ATXN1: variants seen among roughly 807,000 people sequenced by gnomAD.
ATXN1 encodes the protein ataxin 1, also known as ataxin-1.
ATXN1 carries 8 observed loss-of-function variants against 56.4 expected under a neutral mutation model. The observed-to-expected ratio is 0.14, with a 90% confidence interval of 0.08 to 0.26. The LOEUF (loss-of-function observed/expected upper bound fraction) is 0.26, where lower values mean the gene tolerates loss of function less well. Ranked by LOEUF, ATXN1 falls within the 10% of genes least tolerant of loss-of-function variation. The probability of loss-of-function intolerance (pLI) is 1.00; values close to 1 mark genes in which losing one functional copy is unlikely to be tolerated. For missense variants in ATXN1, 987 were observed against 1,106.5 expected (o/e 0.89, Z 1.53); for synonymous variants, 514 against 494.6 (o/e 1.04, Z -0.52).
rs564998177 is a variant in ATXN1 at position 16,300,257 on chromosome 6, G to A, written c.*6072C>T. 6.5e-6 allele frequency: 1 copy of A among 152,694 alleles called. No homozygotes were observed. The highest frequency in any genetic ancestry group is 2.1e-4 in the South Asian group (1 of 4,820). 9.5% of individuals were successfully genotyped at this position (152,694 alleles called of 1,614,324 possible). A position where few individuals can be genotyped will look rare whatever the true frequency, so the allele number is the denominator to read the frequency against. On this transcript the variant is annotated 3_prime_UTR_variant, in exon 8 of 8. Coordinates refer to ENST00000436367, the MANE Select transcript of ATXN1 (RefSeq NM_001128164.2). Reference sequence around the variant, plus strand: ...GTTATGGAAATTCTTAGAGATTGTTGTTATTGTATAGATACTACCTATTGG... The same window carrying A: ...GTTATGGAAATTCTTAGAGATTGTTATTATTGTATAGATACTACCTATTGG...
intron 6 of ATXN1, among the ~76,000 whole-genome samples, chr6:16,373,170 C>T (rs1355272360): frequency 6.6e-6 from 1 of 152,168 alleles, no homozygotes; most frequent in Non-Finnish European, 1.5e-5. Context: ...GAGACTCATT[C>T]TATTCCTGAA....
intron 2 of ATXN1, among the ~76,000 whole-genome samples, chr6:16,747,460 T>C (rs1333962338): frequency 6.6e-6 from 1 of 152,146 alleles, no homozygotes; most frequent in Non-Finnish European, 1.5e-5. Flanking sequence ...GCAGACGACA[T>C]ACAACTGTTA....
chr6:16,378,915 A>G (rs1167147728), intron 6 of ATXN1, among the ~76,000 whole-genome samples: 1 of 152,162 alleles, frequency 6.6e-6, no homozygotes, highest in Non-Finnish European at 1.5e-5. Flanking sequence ...ACTACTGGGT[A>G]TCTACCCAGA....
chr6:16,742,653 T>C (rs1172138645), intron 2 of ATXN1, among the ~76,000 whole-genome samples: 1 of 152,160 alleles, frequency 6.6e-6, no homozygotes, highest in Non-Finnish European at 1.5e-5. Context: ...GAAGGCGTCC[T>C]CACCTACCAC....
intron 6 of ATXN1, among the ~76,000 whole-genome samples, chr6:16,448,079 A>G (rs1759670355): frequency 6.6e-6 from 1 of 152,198 alleles, no homozygotes; most frequent in African/African-American, 2.4e-5. Flanking sequence ...CATTTATGGT[A>G]AAAACCACAG....
intron 4 of ATXN1, among the ~76,000 whole-genome samples, chr6:16,537,926 T>A (rs975523925): frequency 2.6e-5 from 4 of 151,828 alleles, no homozygotes; most frequent in Non-Finnish European, 5.9e-5. Context: ...ATCATGGTGA[T>A]ACCCCATCTC....
intron 4 of ATXN1, among the ~76,000 whole-genome samples, chr6:16,534,043 C>T (rs1228892092): frequency 6.6e-6 from 1 of 152,108 alleles, no homozygotes; most frequent in Non-Finnish European, 1.5e-5. Flanking sequence ...GAAGATACCT[C>T]CAAGCCAGCC....
chr6:16,412,763 G>T (rs1445133072), intron 6 of ATXN1, among the ~76,000 whole-genome samples: 1 of 152,188 alleles, frequency 6.6e-6, no homozygotes, highest in African/African-American at 2.4e-5. Flanking sequence ...GCTTAATCTT[G>T]ACTTTCTTTG....
chr6:16,467,487 T>C (rs992083109), intron 6 of ATXN1, among the ~76,000 whole-genome samples: 15 of 152,282 alleles, frequency 9.9e-5, no homozygotes, highest in Non-Finnish European at 2.1e-4. Context: ...GGGAGGAGTG[T>C]GTGTTTCTTC....
intron 6 of ATXN1, among the ~76,000 whole-genome samples, chr6:16,373,448 T>C (rs1762084903): frequency 6.6e-6 from 1 of 152,174 alleles, no homozygotes; most frequent in African/African-American, 2.4e-5. Flanking sequence ...ACACGTGTCT[T>C]GGTGAAGGTA....
intron 4 of ATXN1, among the ~76,000 whole-genome samples, chr6:16,579,648 G>A (rs1171459950): frequency 2.6e-5 from 4 of 152,014 alleles, no homozygotes; most frequent in Admixed American, 1.3e-4. Context: ...TTCTTGTTTT[G>A]TTTGGCTATG....
chr6:16,561,073 AT>A (rs926312960), intron 4 of ATXN1, among the ~76,000 whole-genome samples: 23 of 152,114 alleles, frequency 1.5e-4, no homozygotes, highest in African/African-American at 5.3e-4. Context: ...AATAAAAAGA[AT>A]TTTATGAAAT....
intron 3 of ATXN1, among the ~76,000 whole-genome samples, chr6:16,613,267 G>T (rs1209895417): frequency 1.1e-5 from 1 of 87,806 alleles, no homozygotes; most frequent in Non-Finnish European, 2.0e-5. Flanking sequence ...GCGAGACTCC[G>T]TCTCAAAAAA....
chr6:16,325,856 C>T (rs1334713867), intron 7 of ATXN1, among the ~76,000 whole-genome samples: 3 of 152,178 alleles, frequency 2.0e-5, no homozygotes, highest in Non-Finnish European at 4.4e-5. Flanking sequence ...CAGCCTCGAA[C>T]TCCTGGGCTC....
In ATXN1 at chr6:16,406,414, C is replaced by T. The variant is rs183884427; in HGVS notation, c.-160-77944G>A. 1.8e-3 allele frequency among the ~76,000 whole-genome samples: 267 copies of T among 152,268 alleles called. 1 individual carries two copies. Among genetic ancestry groups the T allele is most frequent in the African/African-American group, 5.7e-3 (235 of 41,560 alleles). On this transcript the variant is annotated intron_variant, in intron 6 of 7. Coordinates refer to ENST00000436367, the MANE Select transcript of ATXN1 (RefSeq NM_001128164.2). ...TGAAGATCAGTTAGTTCAAACCTAA[C>T]GGATACCGGGCATTCATAACTTTTG...
At chr6:16,552,952 C>T (rs1426818759) in intron 4 of ATXN1, among the ~76,000 whole-genome samples, 5 of 152,240 alleles carry the variant, frequency 3.3e-5, no homozygotes, top group African/African-American at 1.2e-4. Context: ...ATCATTAAAA[C>T]GCCAGAGAAC....
intron 5 of ATXN1, among the ~76,000 whole-genome samples, chr6:16,518,721 T>A (rs1165216904): frequency 6.6e-6 from 1 of 152,200 alleles, no homozygotes; most frequent in Admixed American, 6.5e-5. Context: ...CTATCTGTCA[T>A]CTTAATGGAA....
chr6:16,702,990 A>G (rs112053959), intron 2 of ATXN1, among the ~76,000 whole-genome samples: 2,613 of 151,758 alleles, frequency 0.017, 72 homozygotes, highest in African/African-American at 0.06. Context: ...GGTATATACC[A>G]AAAGGAGTAT....
rs1760535191 is a variant in ATXN1, at chr6:16,485,967, C to T, written c.-161+5G>A. The stretch of plus-strand genomic sequence containing the variant: ...TACACATATTGTTCTTGGTTGTTAA[C>T]TTACAACATTCACTGCGTACTGTTC... On this transcript the variant is annotated splice_donor_5th_base_variant and intron_variant, in intron 6 of 7. Coordinates refer to ENST00000436367, the MANE Select transcript of ATXN1 (RefSeq NM_001128164.2). 6.6e-6 allele frequency: 1 copy of T among 152,188 alleles called. No homozygotes were observed. Among genetic ancestry groups the T allele is most frequent in the African/African-American group, 2.4e-5 (1 of 41,436 alleles). 9.4% of individuals were successfully genotyped at this position (152,188 alleles called of 1,614,324 possible). A position where few individuals can be genotyped will look rare whatever the true frequency, so the allele number is the denominator to read the frequency against.
Sources: gnomAD v4.1 joint callset for allele counts (sites outside exome capture counted in the v4.1 genomes callset) on GRCh38, gnomAD v4.1.1 for gene constraint, MANE v1.5 for transcripts, NCBI Gene and HGNC (gene_info 2026-07-23, HGNC 2026-07-21) for gene names.